Variants in DAZAP2 observed in about 807,000 individuals in gnomAD.
DAZAP2 encodes the protein DAZ-associated protein 2.
DAZAP2 carries 3 observed loss-of-function variants against 16.2 expected under a neutral mutation model. That is an observed-to-expected ratio of 0.19 (90% CI 0.08 to 0.48). The LOEUF (loss-of-function observed/expected upper bound fraction) is 0.48. Among genes scored for constraint, DAZAP2 ranks in the 20% least tolerant of loss-of-function variants. The probability of loss-of-function intolerance (pLI) is 0.98; values close to 1 mark genes in which losing one functional copy is unlikely to be tolerated. For synonymous variants in DAZAP2, 69 were observed against 77.6 expected (o/e 0.89, Z 0.58); for missense variants, 172 against 215.9 (o/e 0.80, Z 1.27).
rs1385839952 is a variant in DAZAP2 at position 51,243,487 on chromosome 12, A to T, written c.*1029A>T. ...GGTCATATTGTGAATGTCTCACTACAAAATGACTTGAGTCCAGTGAAATCT... is the reference window on the plus strand; with the variant it reads ...GGTCATATTGTGAATGTCTCACTACTAAATGACTTGAGTCCAGTGAAATCT... On this transcript the variant is annotated 3_prime_UTR_variant, in exon 4 of 4. Coordinates refer to ENST00000412716, the MANE Select transcript of DAZAP2 (RefSeq NM_014764.4). 8 of 985,768 alleles carry T rather than the reference A, an allele frequency of 8.1e-6. No individual in the cohort carries two copies. Among genetic ancestry groups the T allele is most frequent in the Middle Eastern group, 5.2e-4 (1 of 1,936 alleles). 61.1% of individuals were successfully genotyped at this position (985,768 alleles called of 1,614,324 possible).
chr12:51,246,012 C>T, downstream of DAZAP2: 1 of 1,613,952 alleles, frequency 6.2e-7, no homozygotes, highest in Non-Finnish European at 8.5e-7. Flanking sequence ...GCACTGGGCT[C>T]ACCTTCTGTA....
At chr12:51,241,427 C>T (rs1385968839) in intron 3 of DAZAP2, among the ~76,000 whole-genome samples, 2 of 152,064 alleles carry the variant, frequency 1.3e-5, no homozygotes, top group African/African-American at 4.8e-5. Flanking sequence ...AAGCATTTAC[C>T]ATTTACTTAA....
chr12:51,246,604 CTGTGTGTGTGTGTGTGTGTG>C (rs59561227), downstream of DAZAP2: 648 of 338,210 alleles, frequency 1.9e-3, 2 homozygotes, highest in Non-Finnish European at 2.5e-3. Context: ...TCTTTTATGG[CTGTGTGTGTGTGTGTGTGTG>C]TGTGTGTGTG....
downstream of DAZAP2, chr12:51,245,752 A>G (rs562813364): frequency 1.7e-6 from 1 of 589,974 alleles, no homozygotes; most frequent in South Asian, 2.6e-5. Context: ...GATATCATAA[A>G]CAGCTTTCTC....
intron 2 of DAZAP2, 145 bp downstream of exon 2, chr12:51,240,606 G>A: frequency 2.2e-6 from 2 of 922,450 alleles, no homozygotes; most frequent in Non-Finnish European, 3.3e-6. Flanking sequence ...GGCAATTTTT[G>A]TCGGAGTTGA....
At chr12:51,239,164 G>T (rs1036042521) in intron 1 of DAZAP2, 77 of 542,822 alleles carry the variant, frequency 1.4e-4, no homozygotes, top group Non-Finnish European at 2.2e-4. Context: ...CTCGGGTGGT[G>T]GGGGGGCTTG....
In DAZAP2 at chr12:51,243,836, ATATTT is replaced by A; in HGVS notation, c.*1384_*1388del. On this transcript the variant is annotated 3_prime_UTR_variant, in exon 4 of 4. Transcript: ENST00000412716. ...GCTTGTTTTTAGATTTCTTCTATATATATTTTATTTATATCCCATCTAGAATTCAG... is the reference window on the plus strand; with the variant it reads ...GCTTGTTTTTAGATTTCTTCTATATATATTTATATCCCATCTAGAATTCAG... 1.0e-6 allele frequency: 1 copy of A among 984,746 alleles called. No homozygotes were observed. Among genetic ancestry groups the A allele is most frequent in the South Asian group, 4.7e-5 (1 of 21,276 alleles). The allele number at this position is 984,746 out of a possible 1,614,324, so 61.0% of individuals were successfully genotyped here. A position where few individuals can be genotyped will look rare whatever the true frequency, so the allele number is the denominator to read the frequency against.
chr12:51,246,471 A>C (rs1370841468), downstream of DAZAP2: 1 of 431,986 alleles, frequency 2.3e-6, no homozygotes, highest in African/African-American at 2.0e-5. Context: ...TCACCCACTC[A>C]ACCAACCACA....
Position 51,242,247 on chromosome 12 carries a change from C to T in DAZAP2, c.379-83C>T, listed in dbSNP as rs948590565. The T allele has an allele frequency of 5.3e-6, 8 of 1,502,920 alleles. No individual in the cohort carries two copies. The African/African-American group carries it at 9.8e-5, about 18-fold the overall frequency. 93.1% of individuals were successfully genotyped at this position (1,502,920 alleles called of 1,614,324 possible). Reference sequence around the variant, plus strand: ...GCAGCTGGTTAGCACATTGCCTCATCCTAACAGGCCTCTGCTTCCCCTATG... The same window carrying T: ...GCAGCTGGTTAGCACATTGCCTCATTCTAACAGGCCTCTGCTTCCCCTATG... On this transcript the variant is annotated intron_variant, in intron 3 of 3. Coordinates refer to ENST00000412716, the MANE Select transcript of DAZAP2 (RefSeq NM_014764.4).
Position 51,241,073 on chromosome 12 carries a change from C to G in DAZAP2, c.335C>G (p.Ala112Gly). The G allele has an allele frequency of 6.2e-7, 1 of 1,614,232 alleles. No individual in the cohort carries two copies. Among genetic ancestry groups the G allele is most frequent in the Non-Finnish European group, 8.5e-7 (1 of 1,180,046 alleles). ...STVLVEGGYD[A>G]GARFGAGATA... ...GTGCTGGTGGAAGGAGGGTATGATG[C>G]AGGTGCCAGATTTGGAGCTGGGGCT... Residue 112 changes from alanine (A) to glycine (G), a missense_variant, in exon 3 of 4, where the codon GCA becomes GGA. Physicochemically the swap from Ala to Gly is moderately conservative, Grantham distance 60. Transcript: ENST00000412716.
chr12:51,240,668 A>G, intron 2 of DAZAP2: 1 of 860,314 alleles, frequency 1.2e-6, no homozygotes, highest in Non-Finnish European at 1.8e-6. Flanking sequence ...AAGGTGCAGA[A>G]GATGAATTTG....
intron 3 of DAZAP2, 101 bp from the exon 4 acceptor site, chr12:51,242,229 G>T: frequency 6.8e-7 from 1 of 1,479,966 alleles, no homozygotes; most frequent in Non-Finnish European, 9.0e-7. Flanking sequence ...AACGCAGCTG[G>T]TTAGCACATT....
chr12:51,240,683 C>A, intron 2 of DAZAP2, 188 bp from the exon 3 acceptor site: 1 of 902,558 alleles, frequency 1.1e-6, no homozygotes. Context: ...AATTTGCGTT[C>A]TGTGAGCCCA....
At chr12:51,239,478 GA>G (rs34206662) in intron 1 of DAZAP2, 85 of 93,676 alleles carry the variant, frequency 9.1e-4, no homozygotes, top group South Asian at 3.0e-3. Flanking sequence ...AAAAGGAATA[GA>G]AAAAAAAAAA....
chr12:51,246,364 C>T (rs1592230321), downstream of DAZAP2: 1 of 515,758 alleles, frequency 1.9e-6, no homozygotes, highest in East Asian at 3.1e-5. Flanking sequence ...TGAACTGCCT[C>T]CCAAACCAGT....
rs1300126399 is a variant in DAZAP2 at position 51,243,880 on chromosome 12, C to T, written c.*1422C>T. 4.1e-6 allele frequency: 4 copies of T among 985,228 alleles called. No homozygotes were observed. In the East Asian group the frequency reaches 4.5e-4, roughly 112 times the overall value. The allele number at this position is 985,228 out of a possible 1,614,324, so 61.0% of individuals were successfully genotyped here. ...TCTAGAATTCAGCTAGGTGCTGCTGCTGCTCTGTTTCCTTTGATGACGCTT... is the reference window on the plus strand; with the variant it reads ...TCTAGAATTCAGCTAGGTGCTGCTGTTGCTCTGTTTCCTTTGATGACGCTT... On this transcript the variant is annotated 3_prime_UTR_variant, in exon 4 of 4. Transcript: ENST00000412716.
downstream of DAZAP2, chr12:51,246,689 C>T (rs1281951923): frequency 3.7e-6 from 5 of 1,343,528 alleles, no homozygotes; most frequent in South Asian, 1.5e-5. Flanking sequence ...TGGTCAGGCT[C>T]CCTCTGGAGA....
chr12:51,239,236 G>C, intron 1 of DAZAP2: 2 of 339,728 alleles, frequency 5.9e-6, no homozygotes, highest in South Asian at 8.7e-5. Context: ...TAGGCCAATG[G>C]AGAGCCGGCG....
chr12:51,242,955 C>T lies in DAZAP2; in HGVS notation c.*497C>T, dbSNP rs578210065. ...TGCCCCACCCATCCCATCTCCAACC[C>T]TAGTCTTCCATTTCCTCCCGCCAGT... On this transcript the variant is annotated 3_prime_UTR_variant, in exon 4 of 4. Coordinates refer to ENST00000412716, the MANE Select transcript of DAZAP2 (RefSeq NM_014764.4). The T allele has an allele frequency of 9.3e-7, 1 of 1,080,980 alleles. No homozygotes were observed. Among genetic ancestry groups the T allele is most frequent in the Admixed American group, 5.3e-5 (1 of 18,956 alleles). The allele number at this position is 1,080,980 out of a possible 1,614,324, so 67.0% of individuals were successfully genotyped here. A position where few individuals can be genotyped will look rare whatever the true frequency, so the allele number is the denominator to read the frequency against.
Sources: gnomAD v4.1 joint callset for allele counts (sites outside exome capture counted in the v4.1 genomes callset) on GRCh38, gnomAD v4.1.1 for gene constraint, MANE v1.5 for transcripts, NCBI Gene and HGNC (gene_info 2026-07-23, HGNC 2026-07-21) for gene names.